Variants in ATAD3A observed in about 807,000 individuals in gnomAD.
ATAD3A encodes the protein ATPase family AAA domain-containing protein 3A.
A neutral mutation model predicts 73.8 loss-of-function variants in ATAD3A; 46 were observed. The ratio of observed to expected loss-of-function variants is 0.62; its 90% CI spans 0.49 to 0.80. ATAD3A has a LOEUF of 0.80. Ranked by LOEUF, ATAD3A falls within the 30% of genes least tolerant of loss-of-function variation. ATAD3A has a pLI of 0.00. For missense variants in ATAD3A, 705 were observed against 838.0 expected (o/e 0.84, Z 1.96); for synonymous variants, 319 against 350.0 (o/e 0.91, Z 0.99).
chr1:1,513,611 A>C (rs1342634032), intron 1 of ATAD3A, among the ~76,000 whole-genome samples: 1 of 152,094 alleles, frequency 6.6e-6, no homozygotes, highest in Non-Finnish European at 1.5e-5. Context: ...ATTGTGTTCC[A>C]GGTGTGGGCT....
intron 5 of ATAD3A, among the ~76,000 whole-genome samples, chr1:1,519,832 A>G (rs1641517208): frequency 6.6e-6 from 1 of 152,108 alleles, no homozygotes; most frequent in Non-Finnish European, 1.5e-5. Context: ...TTTCTGCCCT[A>G]ATCCATGGGC....
intron 2 of ATAD3A, among the ~76,000 whole-genome samples, chr1:1,516,809 C>T (rs1409619518): frequency 6.6e-6 from 1 of 151,794 alleles, no homozygotes; most frequent in Non-Finnish European, 1.5e-5. Context: ...CCTCTACCTC[C>T]CGGGTTCAAC....
chr1:1,517,201 T>C (rs1474794295), intron 2 of ATAD3A, 110 bp from the exon 3 acceptor site: 1 of 1,546,080 alleles, frequency 6.5e-7, no homozygotes, highest in South Asian at 1.2e-5. Context: ...CTGCACACAC[T>C]AGTCTGGGCA....
chr1:1,534,408 G>A lies in ATAD3A; in HGVS notation c.*336G>A, dbSNP rs559501816. ...GAGGGTGGGTGCTGGCTGAGCCCCCGGGGCAGCAGGAGCCAGGCAGGTGAT... is the reference window on the plus strand; with the variant it reads ...GAGGGTGGGTGCTGGCTGAGCCCCCAGGGCAGCAGGAGCCAGGCAGGTGAT... On this transcript the variant is annotated 3_prime_UTR_variant, in exon 16 of 16. Coordinates refer to ENST00000378756, the MANE Select transcript of ATAD3A (RefSeq NM_001170535.3). 2.7e-5 allele frequency: 35 copies of A among 1,306,514 alleles called. No homozygotes were observed. The highest frequency in any genetic ancestry group is 2.9e-4 in the Middle Eastern group (1 of 3,494). The allele number at this position is 1,306,514 out of a possible 1,614,324, so 80.9% of individuals were successfully genotyped here. A position where few individuals can be genotyped will look rare whatever the true frequency, so the allele number is the denominator to read the frequency against.
At chr1:1,522,088 G>A (rs574988723) in intron 7 of ATAD3A, among the ~76,000 whole-genome samples, 7 of 152,192 alleles carry the variant, frequency 4.6e-5, no homozygotes, top group East Asian at 1.9e-4. Flanking sequence ...TGCATAGGCT[G>A]GAGTGTAGTG....
intron 12 of ATAD3A, among the ~76,000 whole-genome samples, chr1:1,525,733 A>G (rs567862462): frequency 1.3e-5 from 2 of 152,020 alleles, no homozygotes; most frequent in East Asian, 3.9e-4. Flanking sequence ...TCATTCTAAG[A>G]CAGGGTCTCT....
intron 15 of ATAD3A, among the ~76,000 whole-genome samples, chr1:1,532,638 C>T (rs1642068153): frequency 6.6e-6 from 1 of 152,190 alleles, no homozygotes; most frequent in Non-Finnish European, 1.5e-5. Context: ...GGAGGGGTGG[C>T]CCCGTGAGCA....
chr1:1,533,070 C>T (rs761451539), intron 15 of ATAD3A, among the ~76,000 whole-genome samples: 8 of 152,296 alleles, frequency 5.3e-5, no homozygotes, highest in Middle Eastern at 3.4e-3. Context: ...TCCGTCGTGG[C>T]GACGGTGTTG....
In ATAD3A at chr1:1,528,741, C is replaced by T. The variant is rs545953784; in HGVS notation, c.1506-482C>T. On this transcript the variant is annotated intron_variant, in intron 14 of 15. Transcript: ENST00000378756. ...TGCACCTGACCCAAATCCCTGCTGT[C>T]GCCAGTGATGACAAAAGAGAGCCTG... 2.7e-3 allele frequency among the ~76,000 whole-genome samples: 415 copies of T among 152,372 alleles called. 3 individuals carry two copies. The highest frequency in any genetic ancestry group is 6.0e-3 in the East Asian group (31 of 5,184).
Position 1,534,429 on chromosome 1 carries a change from G to T in ATAD3A, c.*357G>T. On this transcript the variant is annotated 3_prime_UTR_variant, in exon 16 of 16. Transcript: ENST00000378756. ...CCCCGGGGCAGCAGGAGCCAGGCAG[G>T]TGATGTCTTTGTTCTCGGCTCCCAC... 7.8e-7 allele frequency: 1 copy of T among 1,279,236 alleles called. No individual in the cohort carries two copies. Among genetic ancestry groups the T allele is most frequent in the Non-Finnish European group, 1.0e-6 (1 of 999,132 alleles). The allele number at this position is 1,279,236 out of a possible 1,614,324, so 79.2% of individuals were successfully genotyped here. A position where few individuals can be genotyped will look rare whatever the true frequency, so the allele number is the denominator to read the frequency against.
At chr1:1,514,777 G>A (rs1641302085) in intron 1 of ATAD3A, among the ~76,000 whole-genome samples, 1 of 152,196 alleles carries the variant, frequency 6.6e-6, no homozygotes, top group Non-Finnish European at 1.5e-5. Context: ...AAAGTGAGAC[G>A]GGCTGCGGGA....
At chr1:1,516,412 T>C (rs1393677202) in intron 2 of ATAD3A, among the ~76,000 whole-genome samples, 2 of 152,108 alleles carry the variant, frequency 1.3e-5, no homozygotes, top group African/African-American at 2.4e-5. Context: ...TTTTTTGTTT[T>C]ATTTCGTTTT....
chr1:1,521,283 A>C (rs1358545301), intron 7 of ATAD3A, among the ~76,000 whole-genome samples: 2 of 119,874 alleles, frequency 1.7e-5, no homozygotes, highest in African/African-American at 3.2e-5. Context: ...TGGGCCACAT[A>C]GTGAGGCTTC....
At position 1,516,341 on chromosome 1, in the gene ATAD3A, G is replaced by T. The variant is rs531553257; in HGVS notation, c.282+253G>T. Reference sequence around the variant, plus strand: ...TCGTCCGGAGGGAGGGCCGGTGTTGGTGAGGGCGTCTGGTCGTCCGGATGG... The same window carrying T: ...TCGTCCGGAGGGAGGGCCGGTGTTGTTGAGGGCGTCTGGTCGTCCGGATGG... On this transcript the variant is annotated intron_variant, in intron 2 of 15. Coordinates refer to ENST00000378756, the MANE Select transcript of ATAD3A (RefSeq NM_001170535.3). Among the ~76,000 whole-genome samples the T allele has an allele frequency of 1.2e-4, 18 of 152,184 alleles. No individual in the cohort carries two copies. In the South Asian group the frequency reaches 3.5e-3, roughly 30 times the overall value.
chr1:1,512,975 G>GT (rs1641249148), intron 1 of ATAD3A, among the ~76,000 whole-genome samples: 1 of 152,238 alleles, frequency 6.6e-6, no homozygotes, highest in South Asian at 2.1e-4. Flanking sequence ...CGAGGTCTGT[G>GT]AAGCCACAGG....
At position 1,523,781 on chromosome 1, in the gene ATAD3A, C is replaced by A; in HGVS notation, c.964-58C>A. On this transcript the variant is annotated intron_variant, in intron 9 of 15. Coordinates refer to ENST00000378756, the MANE Select transcript of ATAD3A (RefSeq NM_001170535.3). The surrounding 1 kb of genome is among the most constrained non-coding windows in gnomAD (Gnocchi z 5.1). Reference sequence around the variant, plus strand: ...CACCCAGGCATTCCCGCAGCCCCTTCCCCTGAGGCTTCCATGGGTGCACAG... The same window carrying A: ...CACCCAGGCATTCCCGCAGCCCCTTACCCTGAGGCTTCCATGGGTGCACAG... 6.2e-7 allele frequency: 1 copy of A among 1,611,612 alleles called. No individual in the cohort carries two copies. Among genetic ancestry groups the A allele is most frequent in the Non-Finnish European group, 8.5e-7 (1 of 1,178,832 alleles).
chr1:1,525,725 A>ATT (rs1641799516), intron 12 of ATAD3A, among the ~76,000 whole-genome samples: 1 of 148,762 alleles, frequency 6.7e-6, no homozygotes, highest in Non-Finnish European at 1.5e-5. Context: ...TTTAATTATC[A>ATT]TTCTAAGACA....
chr1:1,531,835 C>T (rs937562055), intron 15 of ATAD3A, among the ~76,000 whole-genome samples: 14 of 151,870 alleles, frequency 9.2e-5, no homozygotes, highest in African/African-American at 3.4e-4. Context: ...TGGCTCACAC[C>T]TGTAACCACA....
intron 1 of ATAD3A, among the ~76,000 whole-genome samples, chr1:1,514,937 A>G (rs1455707654): frequency 6.6e-6 from 1 of 152,234 alleles, no homozygotes; most frequent in Non-Finnish European, 1.5e-5. Context: ...GCAGTGGTGC[A>G]ACCTCGGTTC....
Sources: allele counts gnomAD v4.1 joint callset (sites outside exome capture counted in the v4.1 genomes callset), GRCh38; gene constraint gnomAD v4.1.1; non-coding constraint Gnocchi (gnomAD v3.1); transcripts MANE v1.5; gene names NCBI Gene and HGNC (gene_info 2026-07-23, HGNC 2026-07-21).